The following PUDP variants were observed in gnomAD, a reference collection of about 807,000 sequenced individuals.
PUDP encodes pseudouridine 5'-phosphatase, also known as pseudouridine-5'-phosphatase.
Under a neutral mutation model 9.4 loss-of-function variants are expected in PUDP, and 8 were observed. That is an observed-to-expected ratio of 0.85 (90% confidence interval 0.50 to 1.53). PUDP has a LOEUF of 1.53. Among genes scored for constraint, PUDP ranks in the 40% most tolerant of loss-of-function variants. The pLI is 0.00. For synonymous variants in PUDP, 99 were observed against 80.7 expected (o/e 1.23, Z -1.22); for missense variants, 188 against 189.7 (o/e 0.99, Z 0.05).
chrX:6,968,890 G>C lies in PUDP; in HGVS notation c.*247+8243C>G, dbSNP rs771822584. 3.6e-5 allele frequency among the ~76,000 whole-genome samples: 4 copies of C among 112,120 alleles called. No individual in the cohort carries two copies. In the East Asian group the frequency reaches 1.1e-3, roughly 32 times the overall value. The stretch of plus-strand genomic sequence containing the variant: ...CCGCCTCGGCCTCCCAAAGTGCTGG[G>C]TTTACAGGCGTGAGCCACCGCACCT... On this transcript the variant is annotated intron_variant and NMD_transcript_variant, in intron 3 of 3. Transcript: ENST00000655425.
chrX:7,117,027 T>C (rs1395995176), intron 1 of PUDP: 2 of 1,167,182 alleles, frequency 1.7e-6, no homozygotes, highest in South Asian at 3.8e-5. Context: ...CTATGCTTCC[T>C]GTATAACCTG....
At chrX:6,735,886 A>T (rs182703595) in intron 3 of PUDP, among the ~76,000 whole-genome samples, 29 of 110,350 alleles carry the variant, frequency 2.6e-4, no homozygotes, top group African/African-American at 8.2e-4. Flanking sequence ...ATTAAAAAAA[A>T]AAATTAGTTG....
intron 3 of PUDP, among the ~76,000 whole-genome samples, chrX:6,958,125 G>A (rs776180721): frequency 1.2e-4 from 13 of 112,229 alleles, no homozygotes; most frequent in African/African-American, 2.9e-4. Context: ...AACCTTACGC[G>A]TCCACCCTAC....
intron 2 of PUDP, chrX:7,085,295 A>T (rs1931229673): frequency 8.9e-6 from 1 of 112,578 alleles, no homozygotes. Context: ...CCATGTTCTG[A>T]ACAACACTGA....
At chrX:6,914,914 GA>G (rs1382464318) in intron 3 of PUDP, among the ~76,000 whole-genome samples, 27 of 112,088 alleles carry the variant, frequency 2.4e-4, no homozygotes, top group African/African-American at 8.1e-4. Flanking sequence ...GTTCTAATCT[GA>G]AAGTAATGGT....
intron 3 of PUDP, among the ~76,000 whole-genome samples, chrX:6,883,795 G>A (rs1382971840): frequency 9.0e-6 from 1 of 111,626 alleles, no homozygotes; most frequent in Non-Finnish European, 1.9e-5. Context: ...AGTATTCATA[G>A]GTATTAGTAA....
At position 6,766,622 on chromosome X, in the gene PUDP, T is replaced by C. The variant is rs371187126; in HGVS notation, c.*248-60156A>G. On this transcript the variant is annotated intron_variant and NMD_transcript_variant, in intron 3 of 3. Transcript: ENST00000655425. ...CTATAGATATCCAAAATAGGAATAG[T>C]ACCATTTTATAAAATTTTAGTACAA... Among the ~76,000 whole-genome samples the C allele has an allele frequency of 1.9e-3, 215 of 111,734 alleles. 1 individual carries two copies. The highest frequency in any genetic ancestry group is 0.01 in the South Asian group (28 of 2,667).
At chrX:7,076,369 G>A (rs1327035174) in intron 3 of PUDP, among the ~76,000 whole-genome samples, 2 of 111,659 alleles carry the variant, frequency 1.8e-5, no homozygotes, top group Non-Finnish European at 1.9e-5. Flanking sequence ...GAGACTCCCC[G>A]ACGGATGCCC....
intron 2 of PUDP, among the ~76,000 whole-genome samples, chrX:7,101,100 A>G (rs1177959275): frequency 8.9e-6 from 1 of 112,166 alleles, no homozygotes; most frequent in African/African-American, 3.2e-5. Flanking sequence ...AGTCTTCTGC[A>G]TGCTCTGCTC....
At chrX:7,044,463 T>G (rs1298834001), downstream of PUDP, among the ~76,000 whole-genome samples, 2 of 112,630 alleles carry the variant, frequency 1.8e-5, no homozygotes, top group African/African-American at 3.2e-5. Context: ...CCAAGAAAAG[T>G]ATTTCTTTCC....
intron 3 of PUDP, among the ~76,000 whole-genome samples, chrX:6,757,667 G>T (rs1167977254): frequency 8.9e-6 from 1 of 112,191 alleles, no homozygotes; most frequent in Non-Finnish European, 1.9e-5. Flanking sequence ...GCAGAAAATG[G>T]TAGCCCCTTA....
At chrX:6,817,884 G>A (rs763543153) in intron 3 of PUDP, among the ~76,000 whole-genome samples, 122 of 111,172 alleles carry the variant, frequency 1.1e-3, no homozygotes, top group Admixed American at 2.0e-3. Context: ...TTTCCCCCAA[G>A]TCCCTGTTTT....
At chrX:7,016,570 C>A (rs1302840046) in intron 1 of PUDP, among the ~76,000 whole-genome samples, 2 of 111,026 alleles carry the variant, frequency 1.8e-5, no homozygotes, top group African/African-American at 6.6e-5. Flanking sequence ...CTGAACTTCA[C>A]AATTCATATA....
rs752242648 is a variant in PUDP at position 6,817,132 on chromosome X, A to G, written c.*248-110666T>C. 1.4e-3 allele frequency among the ~76,000 whole-genome samples: 149 copies of G among 108,010 alleles called. 2 individuals are homozygous for G. Among genetic ancestry groups the G allele is most frequent in the African/African-American group, 4.9e-3 (145 of 29,751 alleles). The allele number at this position is 108,010 out of a possible 115,157, so 93.8% of individuals were successfully genotyped here. A position where few individuals can be genotyped will look rare whatever the true frequency, so the allele number is the denominator to read the frequency against. On this transcript the variant is annotated intron_variant and NMD_transcript_variant, in intron 3 of 3. Coordinates refer to the PUDP transcript ENST00000655425. The stretch of plus-strand genomic sequence containing the variant: ...CACTGTGTCTCCCAGGCCGGAGTGC[A>G]GTGTTGTGATCATAGCTCACTGCAG...
At chrX:6,992,417 C>G (rs5979997) in intron 1 of PUDP, among the ~76,000 whole-genome samples, 4 of 96,501 alleles carry the variant, frequency 4.1e-5, no homozygotes, top group Non-Finnish European at 8.5e-5. Flanking sequence ...GGACTACAGG[C>G]GCCCGCCACC....
At chrX:7,056,098 T>C (rs924921431) in intron 3 of PUDP, among the ~76,000 whole-genome samples, 3 of 112,434 alleles carry the variant, frequency 2.7e-5, no homozygotes, top group Non-Finnish European at 5.6e-5. Flanking sequence ...AACTCATTCA[T>C]ACCACCACCC....
At chrX:6,776,897 T>C (rs2146681725) in intron 3 of PUDP, among the ~76,000 whole-genome samples, 1 of 112,485 alleles carries the variant, frequency 8.9e-6, no homozygotes, top group South Asian at 3.7e-4. Context: ...ACAATAAATA[T>C]TTCCACACAT....
intron 3 of PUDP, among the ~76,000 whole-genome samples, chrX:6,888,421 C>CA (rs1243206359): frequency 3.6e-5 from 4 of 109,900 alleles, no homozygotes; most frequent in African/African-American, 1.3e-4. Flanking sequence ...GTGGGTGGAT[C>CA]ACCTGAGGTC....
chrX:7,051,637 C>G lies in PUDP; in HGVS notation c.511-1165G>C, dbSNP rs182158401. ...ATCAGTGAGCTCCTAAAGGTGCCAC[C>G]ACATTGACAATGTTACAGTAAGTTT... On this transcript the variant is annotated intron_variant, in intron 3 of 3. Transcript: ENST00000381077. Among the ~76,000 whole-genome samples, 99 of 112,134 alleles carry G rather than the reference C, an allele frequency of 8.8e-4. 1 individual carries two copies. In the Middle Eastern group the frequency reaches 0.014, roughly 16 times the overall value.
Sources: allele counts gnomAD v4.1 joint callset (sites outside exome capture counted in the v4.1 genomes callset), GRCh38; gene constraint gnomAD v4.1.1; transcripts MANE v1.5; gene names NCBI Gene and HGNC (gene_info 2026-07-23, HGNC 2026-07-21).